The following DYRK1A variants were observed in gnomAD, a reference collection of about 807,000 sequenced individuals.
The protein encoded by DYRK1A is dual specificity tyrosine-phosphorylation-regulated kinase 1A.
DYRK1A carries 9 observed loss-of-function variants against 79.7 expected under a neutral mutation model. That is an observed-to-expected ratio of 0.11 (90% CI 0.07 to 0.20). The LOEUF (loss-of-function observed/expected upper bound fraction) is 0.20, where lower values mean the gene tolerates loss of function less well. DYRK1A is among the 10% of genes least tolerant of loss of function. The probability of loss-of-function intolerance (pLI) is 1.00; values close to 1 mark genes in which losing one functional copy is unlikely to be tolerated. For synonymous variants in DYRK1A, 349 were observed against 329.7 expected (o/e 1.06, Z -0.63); for missense variants, 622 against 956.0 (o/e 0.65, Z 4.61).
intron 1 of DYRK1A, among the ~76,000 whole-genome samples, chr21:37,374,298 C>T (rs542633676): frequency 1.3e-5 from 2 of 150,784 alleles, no homozygotes; most frequent in East Asian, 3.9e-4. Context: ...TCACCGAACA[C>T]TGCAAGAAGG....
intron 2 of DYRK1A, 146 bp from the exon 3 acceptor site, chr21:37,472,538 T>A: frequency 2.1e-6 from 1 of 483,088 alleles, no homozygotes. Flanking sequence ...ACTGTTGTGT[T>A]GAGTAACATA....
At chr21:37,462,056 G>C (rs927678648) in intron 2 of DYRK1A, among the ~76,000 whole-genome samples, 1 of 151,640 alleles carries the variant, frequency 6.6e-6, no homozygotes, top group African/African-American at 2.4e-5. Context: ...TCTCTATTAA[G>C]ATTCACTATT....
At chr21:37,377,955 G>A (rs940922187) in intron 1 of DYRK1A, among the ~76,000 whole-genome samples, 2 of 152,214 alleles carry the variant, frequency 1.3e-5, no homozygotes, top group Admixed American at 6.5e-5. Context: ...GGTTCACCAG[G>A]TATATGGATA....
Position 37,517,941 on chromosome 21 carries a change from T to G in DYRK1A, c.*5410T>G, listed in dbSNP as rs1182916843. 1 of 152,232 alleles carries G rather than the reference T, an allele frequency of 6.6e-6. No individual in the cohort carries two copies. The highest frequency in any genetic ancestry group is 1.5e-5 in the Non-Finnish European group (1 of 68,052). 9.4% of individuals were successfully genotyped at this position (152,232 alleles called of 1,614,324 possible). A position where few individuals can be genotyped will look rare whatever the true frequency, so the allele number is the denominator to read the frequency against. ...CGGTGTCTGGCTTTGTCACGCAAGC[T>G]GGAGTTTGGTGGTGTGATTGCAGCT... On this transcript the variant is annotated 3_prime_UTR_variant, in exon 12 of 12. Coordinates refer to ENST00000647188, the MANE Select transcript of DYRK1A (RefSeq NM_001347721.2).
At chr21:37,488,921 A>C in intron 6 of DYRK1A, 6 of 936,682 alleles carry the variant, frequency 6.4e-6, no homozygotes, top group Non-Finnish European at 7.6e-6. Context: ...CTAAGAGCAG[A>C]TATTTTACAT....
In DYRK1A at chr21:37,514,480, G is replaced by T. The variant is rs530026755; in HGVS notation, c.*1949G>T. 2 of 152,586 alleles carry T rather than the reference G, an allele frequency of 1.3e-5. No homozygotes were observed. Among genetic ancestry groups the T allele is most frequent in the African/African-American group, 4.8e-5 (2 of 41,434 alleles). The allele number at this position is 152,586 out of a possible 1,614,324, so 9.5% of individuals were successfully genotyped here. On this transcript the variant is annotated 3_prime_UTR_variant, in exon 12 of 12. Coordinates refer to ENST00000647188, the MANE Select transcript of DYRK1A (RefSeq NM_001347721.2). The stretch of plus-strand genomic sequence containing the variant: ...GTTTAAGATGACTCAGCAGAACACC[G>T]CGTTTCATTCTATTGGTCAATTCCA...
At chr21:37,442,415 C>A (rs2051135600) in intron 2 of DYRK1A, among the ~76,000 whole-genome samples, 1 of 152,116 alleles carries the variant, frequency 6.6e-6, no homozygotes, top group Non-Finnish European at 1.5e-5. Flanking sequence ...GTTTTGACAT[C>A]CAATTTCAGT....
At chr21:37,418,426 A>G (rs1459142591) in intron 1 of DYRK1A, among the ~76,000 whole-genome samples, 6 of 152,212 alleles carry the variant, frequency 3.9e-5, no homozygotes, top group Admixed American at 2.6e-4. Context: ...ATTTTTAATA[A>G]AGAATACTGA....
chr21:37,416,657 G>A (rs542211889), intron 1 of DYRK1A, among the ~76,000 whole-genome samples: 19 of 152,168 alleles, frequency 1.2e-4, no homozygotes, highest in African/African-American at 4.1e-4. Flanking sequence ...TTAGTTAACT[G>A]TATAAATTTT....
At chr21:37,421,643 A>C (rs1423130477) in intron 2 of DYRK1A, 3 of 152,150 alleles carry the variant, frequency 2.0e-5, no homozygotes, top group Non-Finnish European at 4.4e-5. Context: ...CTGATTGTTA[A>C]AAGCAACGTG....
Position 37,465,099 on chromosome 21 carries a change from A to G in DYRK1A, c.11-7585A>G, listed in dbSNP as rs549934274. The stretch of plus-strand genomic sequence containing the variant: ...CATGTGGCAAGCACACCTCGTTTAT[A>G]TACCATGTTTACCAGCAGTCCTCCT... On this transcript the variant is annotated intron_variant, in intron 2 of 11. Coordinates refer to ENST00000647188, the MANE Select transcript of DYRK1A (RefSeq NM_001347721.2). 7.2e-5 allele frequency among the ~76,000 whole-genome samples: 11 copies of G among 152,352 alleles called. No homozygotes were observed. The South Asian group carries it at 2.3e-3, about 32-fold the overall frequency.
At chr21:37,445,401 T>G (rs1290273515) in intron 2 of DYRK1A, among the ~76,000 whole-genome samples, 1 of 152,198 alleles carries the variant, frequency 6.6e-6, no homozygotes, top group Non-Finnish European at 1.5e-5. Flanking sequence ...AACAAGTATT[T>G]GAGCATTTAC....
chr21:37,476,816 G>GT (rs1555978484), intron 3 of DYRK1A, among the ~76,000 whole-genome samples: 3 of 40,146 alleles, frequency 7.5e-5, no homozygotes, highest in Non-Finnish European at 1.2e-4. Context: ...ATCACCAAGG[G>GT]TTCCCCCCCC....
chr21:37,444,858 G>T (rs2051217704), intron 2 of DYRK1A, among the ~76,000 whole-genome samples: 1 of 152,196 alleles, frequency 6.6e-6, no homozygotes, highest in African/African-American at 2.4e-5. Context: ...GAGAGCACCA[G>T]CAGTTAGTTG....
In DYRK1A at chr21:37,367,107, G is replaced by A. The variant is rs563195394; in HGVS notation, c.-598G>A. The A allele has an allele frequency of 6.5e-6, 1 of 153,856 alleles. No individual in the cohort carries two copies. The highest frequency in any genetic ancestry group is 1.9e-4 in the East Asian group (1 of 5,148). 9.5% of individuals were successfully genotyped at this position (153,856 alleles called of 1,614,324 possible). A position where few individuals can be genotyped will look rare whatever the true frequency, so the allele number is the denominator to read the frequency against. On this transcript the variant is annotated 5_prime_UTR_variant, in exon 1 of 12. Coordinates refer to ENST00000647188, the MANE Select transcript of DYRK1A (RefSeq NM_001347721.2). The stretch of plus-strand genomic sequence containing the variant: ...TGTGTGCGAGGGAGCGTGTGCGAGG[G>A]CGATTGTGCGCGCGAGTGTGCGGGT...
rs927676544 is a variant in DYRK1A at position 37,525,150 on chromosome 21, C to T, written c.*12619C>T. 3 of 152,150 alleles carry T rather than the reference C, an allele frequency of 2.0e-5. No individual in the cohort carries two copies. Among genetic ancestry groups the T allele is most frequent in the Admixed American group, 2.0e-4 (3 of 15,272 alleles). 9.4% of individuals were successfully genotyped at this position (152,150 alleles called of 1,614,324 possible). On this transcript the variant is annotated 3_prime_UTR_variant, in exon 12 of 12. Coordinates refer to ENST00000647188, the MANE Select transcript of DYRK1A (RefSeq NM_001347721.2). ...TCAGTACACCCTGAAGTGGAATCTG[C>T]TAAGATGTGTTATGACTGTTGGTAG...
intron 1 of DYRK1A, among the ~76,000 whole-genome samples, chr21:37,402,514 C>G (rs1315777867): frequency 6.6e-6 from 1 of 152,266 alleles, no homozygotes; most frequent in Non-Finnish European, 1.5e-5. Context: ...GTCTTTTCTT[C>G]TGGCTGCTTT....
chr21:37,498,187 C>G (rs1359010609), intron 9 of DYRK1A, among the ~76,000 whole-genome samples: 1 of 151,688 alleles, frequency 6.6e-6, no homozygotes, highest in East Asian at 1.9e-4. Flanking sequence ...TATTTTTTTC[C>G]TGGTGGAGGT....
intron 2 of DYRK1A, among the ~76,000 whole-genome samples, chr21:37,448,246 A>G (rs2051333899): frequency 6.6e-6 from 1 of 152,206 alleles, no homozygotes; most frequent in South Asian, 2.1e-4. Context: ...TTGTTTTTCT[A>G]AATAGTTTTA....
Sources: gnomAD v4.1 joint callset for allele counts (sites outside exome capture counted in the v4.1 genomes callset) on GRCh38, gnomAD v4.1.1 for gene constraint, MANE v1.5 for transcripts, NCBI Gene and HGNC (gene_info 2026-07-23, HGNC 2026-07-21) for gene names.